Variants in ZNF474 observed in about 807,000 individuals in gnomAD.
ZNF474 encodes 4933409D10Rik.
For synonymous variants in ZNF474, 192 were observed against 162.2 expected, an observed-to-expected ratio of 1.18 and a Z score of -1.39; for missense variants, 511 against 433.8, an observed-to-expected ratio of 1.18 and a Z score of -1.58.
chr5:122,149,598 G>A (rs1190353567), intron 1 of ZNF474, among the ~76,000 whole-genome samples: 1 of 152,162 alleles, frequency 6.6e-6, no homozygotes, highest in Non-Finnish European at 1.5e-5. Context: ...AAGAGAGCTG[G>A]AATTGATTCA....
intron 1 of ZNF474, 110 bp downstream of exon 1, chr5:122,129,793 T>A (rs1398009811): frequency 1.3e-5 from 2 of 152,222 alleles, no homozygotes; most frequent in African/African-American, 4.8e-5. Context: ...TTAGATATTC[T>A]TGTTCTCTTC....
At chr5:122,137,627 AAAGT>A (rs1410165340) in intron 1 of ZNF474, among the ~76,000 whole-genome samples, 2 of 151,984 alleles carry the variant, frequency 1.3e-5, no homozygotes, top group Non-Finnish European at 2.9e-5. Flanking sequence ...AGTCTACCCC[AAAGT>A]AAGAGAGAGT....
chr5:122,130,810 G>A (rs1755557628), intron 1 of ZNF474, among the ~76,000 whole-genome samples: 1 of 152,140 alleles, frequency 6.6e-6, no homozygotes, highest in Non-Finnish European at 1.5e-5. Flanking sequence ...GCTAATTGAA[G>A]TATTCATCAT....
intron 1 of ZNF474, among the ~76,000 whole-genome samples, chr5:122,143,250 A>G (rs1755896626): frequency 6.6e-6 from 1 of 152,106 alleles, no homozygotes; most frequent in Non-Finnish European, 1.5e-5. Context: ...GCACAACTTT[A>G]TTCTTCATTG....
Position 122,153,108 on chromosome 5 carries a change from C to T in ZNF474, c.*23C>T, listed in dbSNP as rs1756243074. On this transcript the variant is annotated 3_prime_UTR_variant, in exon 2 of 2. Transcript: ENST00000296600. ...TAGGGGAACAAGAGAAAACTATCCCCAGAATCAGCCACCTCAGCCCCTAGT... is the reference window on the plus strand; with the variant it reads ...TAGGGGAACAAGAGAAAACTATCCCTAGAATCAGCCACCTCAGCCCCTAGT... 6.3e-7 allele frequency: 1 copy of T among 1,582,356 alleles called. No homozygotes were observed. Among genetic ancestry groups the T allele is most frequent in the Non-Finnish European group, 8.6e-7 (1 of 1,164,112 alleles).
At chr5:122,147,792 T>C (rs1009190676) in intron 1 of ZNF474, 27 of 152,254 alleles carry the variant, frequency 1.8e-4, no homozygotes, top group African/African-American at 6.3e-4. Flanking sequence ...AGACACCTTC[T>C]AATGCCAAGA....
chr5:122,153,440 G>A lies in ZNF474; in HGVS notation c.*355G>A, dbSNP rs1756255566. 4.6e-6 allele frequency: 1 copy of A among 217,394 alleles called. No homozygotes were observed. Among genetic ancestry groups the A allele is most frequent in the African/African-American group, 2.3e-5 (1 of 43,132 alleles). 13.5% of individuals were successfully genotyped at this position (217,394 alleles called of 1,614,324 possible). Reference sequence around the variant, plus strand: ...CAATATTTATTGTCGGTTTATTTTAGTCATCTACCTTAGGAATTCATTTTT... The same window carrying A: ...CAATATTTATTGTCGGTTTATTTTAATCATCTACCTTAGGAATTCATTTTT... On this transcript the variant is annotated 3_prime_UTR_variant, in exon 2 of 2. Transcript: ENST00000296600.
At chr5:122,145,845 T>C (rs1029514147) in intron 1 of ZNF474, among the ~76,000 whole-genome samples, 2 of 152,350 alleles carry the variant, frequency 1.3e-5, no homozygotes, top group South Asian at 4.1e-4. Flanking sequence ...TTATTACTTA[T>C]ATTTTGAGGG....
Position 122,146,100 on chromosome 5 carries a change from G to T in ZNF474, c.-212-5679G>T, listed in dbSNP as rs533707375. 8.6e-4 allele frequency among the ~76,000 whole-genome samples: 131 copies of T among 152,272 alleles called. 1 individual carries two copies. The highest frequency in any genetic ancestry group is 3.1e-3 in the African/African-American group (127 of 41,544). On this transcript the variant is annotated intron_variant, in intron 1 of 1. Transcript: ENST00000296600. The stretch of plus-strand genomic sequence containing the variant: ...CACAGCAAGCACATGCACACAGGAA[G>T]CCTTTAAAAGGATTAAATGGCCTCT...
intron 1 of ZNF474, among the ~76,000 whole-genome samples, chr5:122,132,995 G>A (rs576800939): frequency 1.3e-5 from 2 of 152,248 alleles, no homozygotes; most frequent in African/African-American, 4.8e-5. Context: ...ATCAGGTTGG[G>A]CAGTCCTCCT....
At chr5:122,151,705 A>ATGTGTG (rs145270704) in intron 1 of ZNF474, 74 bp from the exon 2 acceptor site, 225 of 206,092 alleles carry the variant, frequency 1.1e-3, no homozygotes, top group Middle Eastern at 5.7e-3. Context: ...AACAACCTAA[A>ATGTGTG]TGTGTGTGTG....
rs149895533 is a variant in ZNF474 at position 122,130,760 on chromosome 5, T to C, written c.-213+1077T>C. On this transcript the variant is annotated intron_variant, in intron 1 of 1. Transcript: ENST00000296600. ...TATTTGGGGTTTCTCATGAAATGTG[T>C]TGACATATGTAGACATTGTGAAATG... Among the ~76,000 whole-genome samples, 8 of 152,286 alleles carry C rather than the reference T, an allele frequency of 5.3e-5. No homozygotes were observed. The East Asian group carries it at 1.5e-3, about 29-fold the overall frequency.
intron 1 of ZNF474, among the ~76,000 whole-genome samples, chr5:122,137,308 C>T (rs185095397): frequency 8.8e-4 from 134 of 151,612 alleles, no homozygotes; most frequent in Non-Finnish European, 1.3e-3. Flanking sequence ...ATTAGCCAGG[C>T]GTGGTGGCAG....
At chr5:122,151,043 A>T (rs1346210950) in intron 1 of ZNF474, among the ~76,000 whole-genome samples, 1 of 152,174 alleles carries the variant, frequency 6.6e-6, no homozygotes, top group East Asian at 1.9e-4. Context: ...ATGTGTCACA[A>T]GAAGTTTATG....
intron 1 of ZNF474, among the ~76,000 whole-genome samples, chr5:122,147,534 C>T (rs571591978): frequency 6.6e-6 from 1 of 151,750 alleles, no homozygotes; most frequent in South Asian, 2.1e-4. Flanking sequence ...ATCCCCCCAC[C>T]CCACAACAGG....
chr5:122,144,465 A>C (rs1755933276), intron 1 of ZNF474, among the ~76,000 whole-genome samples: 1 of 152,200 alleles, frequency 6.6e-6, no homozygotes, highest in South Asian at 2.1e-4. Flanking sequence ...CCACACAGGA[A>C]TGTGGGCTCT....
Position 122,143,503 on chromosome 5 carries a change from A to G in ZNF474, c.-212-8276A>G, listed in dbSNP as rs530552339. ...TGTGGATTTTTCCATCCAATGTTTA[A>G]AAACCATAATATATCAATTTTAGAC... On this transcript the variant is annotated intron_variant, in intron 1 of 1. Transcript: ENST00000296600. Among the ~76,000 whole-genome samples, 144 of 152,310 alleles carry G rather than the reference A, an allele frequency of 9.5e-4. 6 individuals are homozygous for G. In the South Asian group the frequency reaches 0.028, roughly 30 times the overall value.
intron 1 of ZNF474, among the ~76,000 whole-genome samples, chr5:122,131,178 A>C (rs1755565665): frequency 6.6e-6 from 1 of 152,176 alleles, no homozygotes; most frequent in Admixed American, 6.5e-5. Context: ...AATGTGGAGA[A>C]ATGGGAACCC....
chr5:122,149,423 T>G (rs577866067), intron 1 of ZNF474, among the ~76,000 whole-genome samples: 37 of 152,336 alleles, frequency 2.4e-4, no homozygotes, highest in African/African-American at 8.4e-4. Flanking sequence ...CCTTCTTGCC[T>G]CTTCTTTCTT....
Sources: allele counts gnomAD v4.1 joint callset (sites outside exome capture counted in the v4.1 genomes callset), GRCh38; gene constraint gnomAD v4.1.1; transcripts MANE v1.5; gene names NCBI Gene and HGNC (gene_info 2026-07-23, HGNC 2026-07-21).